CA10: variants seen among roughly 807,000 people sequenced by gnomAD.
The protein encoded by CA10 is carbonic anhydrase 10 (inactive), also known as carbonic anhydrase-related protein 10.
CA10 carries 14 observed loss-of-function variants against 44.2 expected under a neutral mutation model. The observed-to-expected ratio is 0.32, with a 90% CI of 0.21 to 0.50. The LOEUF (loss-of-function observed/expected upper bound fraction) is 0.50. CA10 is among the 20% of genes least tolerant of loss of function. The pLI is 0.99. For synonymous variants in CA10, 159 were observed against 141.6 expected, an observed-to-expected ratio of 1.12 and a Z score of -0.87; for missense variants, 350 against 409.7, an observed-to-expected ratio of 0.85 and a Z score of 1.26.
chr17:52,041,145 G>A (rs1986757829), intron 2 of CA10, among the ~76,000 whole-genome samples: 1 of 151,944 alleles, frequency 6.6e-6, no homozygotes. Context: ...CTGCATACTA[G>A]AAGAAAATCC....
In CA10 at chr17:51,635,895, C is replaced by A. The variant is rs756921633; in HGVS notation, c.749G>T (p.Trp250Leu). Reference sequence around the variant, plus strand: ...ATAGACAGGTTTGTTCATTATGATCCAACTTGCTGTCTCATAGCAGGGTGG... The same window carrying A: ...ATAGACAGGTTTGTTCATTATGATCAAACTTGCTGTCTCATAGCAGGGTGG... ...TIPPCYETAS[W>L]IIMNKPVYIT... is the part of the protein sequence containing the mutation. Residue 250 changes from tryptophan to leucine, a missense_variant, in exon 7 of 9, where the codon TGG becomes TTG. Transcript: ENST00000451037. 135 of 1,608,146 alleles carry A rather than the reference C, an allele frequency of 8.4e-5. No homozygotes were observed. Among genetic ancestry groups the A allele is most frequent in the Admixed American group, 1.0e-4 (6 of 59,674 alleles).
chr17:51,920,232 G>A (rs1255457470), intron 3 of CA10, among the ~76,000 whole-genome samples: 1 of 152,094 alleles, frequency 6.6e-6, no homozygotes, highest in Admixed American at 6.5e-5. Context: ...CCATGAAAGT[G>A]GAGAACCAAT....
At chr17:51,793,224 T>C (rs1489649763) in intron 3 of CA10, among the ~76,000 whole-genome samples, 1 of 152,252 alleles carries the variant, frequency 6.6e-6, no homozygotes, top group African/African-American at 2.4e-5. Context: ...GGGAGAATGC[T>C]GGGCTATGAA....
At chr17:51,944,466 C>T (rs1255071971) in intron 2 of CA10, among the ~76,000 whole-genome samples, 1 of 152,064 alleles carries the variant, frequency 6.6e-6, no homozygotes, top group African/African-American at 2.4e-5. Context: ...CATTTAAAAA[C>T]CAAAAATGAT....
chr17:52,057,499 G>A (rs1186725873), intron 2 of CA10, among the ~76,000 whole-genome samples: 9 of 151,844 alleles, frequency 5.9e-5, no homozygotes, highest in South Asian at 2.1e-4. Context: ...TATAAAATAC[G>A]TGTTGATGAA....
chr17:51,774,934 C>T (rs1012117235), intron 3 of CA10, among the ~76,000 whole-genome samples: 2 of 152,110 alleles, frequency 1.3e-5, no homozygotes, highest in African/African-American at 4.8e-5. Context: ...TTATAAGTAC[C>T]CCAATTCACC....
chr17:52,081,115 G>A (rs948676039), intron 1 of CA10, among the ~76,000 whole-genome samples: 1 of 152,090 alleles, frequency 6.6e-6, no homozygotes, highest in Non-Finnish European at 1.5e-5. Flanking sequence ...ACAGAGAAAA[G>A]GAAAGAACTG....
At chr17:51,782,473 C>A (rs988111754) in intron 3 of CA10, among the ~76,000 whole-genome samples, 1 of 152,194 alleles carries the variant, frequency 6.6e-6, no homozygotes, top group Non-Finnish European at 1.5e-5. Context: ...GCCCACTGGA[C>A]TAGAATCTTC....
At chr17:51,748,039 T>C (rs974035369) in intron 3 of CA10, among the ~76,000 whole-genome samples, 1 of 152,196 alleles carries the variant, frequency 6.6e-6, no homozygotes, top group Non-Finnish European at 1.5e-5. Context: ...GAATTTGAGG[T>C]AAGAACTTGA....
intron 2 of CA10, among the ~76,000 whole-genome samples, chr17:52,009,751 T>C (rs1234515450): frequency 6.6e-6 from 1 of 152,012 alleles, no homozygotes; most frequent in Non-Finnish European, 1.5e-5. Context: ...GATAAACAGA[T>C]GGGACTTAAT....
chr17:52,034,432 AAAG>A (rs1986557997), intron 2 of CA10, among the ~76,000 whole-genome samples: 1 of 152,234 alleles, frequency 6.6e-6, no homozygotes, highest in South Asian at 2.1e-4. Context: ...GTAGAAAAGT[AAAG>A]AAGAGAATCA....
At chr17:51,764,687 C>T (rs1468798574) in intron 3 of CA10, among the ~76,000 whole-genome samples, 3 of 152,178 alleles carry the variant, frequency 2.0e-5, no homozygotes, top group African/African-American at 7.2e-5. Context: ...GGGCCCAGTA[C>T]CATTCTGCAG....
At chr17:51,697,399 C>T (rs1323772218) in intron 4 of CA10, among the ~76,000 whole-genome samples, 1 of 152,220 alleles carries the variant, frequency 6.6e-6, no homozygotes, top group Non-Finnish European at 1.5e-5. Context: ...TTTGTACCAG[C>T]TCTTCCCTTT....
intron 4 of CA10, among the ~76,000 whole-genome samples, chr17:51,683,944 C>A (rs964655814): frequency 5.3e-5 from 8 of 152,196 alleles, no homozygotes; most frequent in Non-Finnish European, 1.2e-4. Context: ...TCCCACCCTG[C>A]GGCAGGCTGA....
chr17:52,120,615 T>A (rs989639426), intron 1 of CA10, among the ~76,000 whole-genome samples: 3 of 152,120 alleles, frequency 2.0e-5, no homozygotes, highest in Non-Finnish European at 4.4e-5. Flanking sequence ...CCACAAGTGT[T>A]TATGCCAGAT....
At chr17:52,029,567 G>A (rs1020415975) in intron 2 of CA10, among the ~76,000 whole-genome samples, 26 of 148,268 alleles carry the variant, frequency 1.8e-4, no homozygotes, top group Non-Finnish European at 3.4e-4. Context: ...CTCTCAAGGC[G>A]AAGGCGTTTG....
At chr17:51,982,138 CT>C (rs898694240) in intron 2 of CA10, among the ~76,000 whole-genome samples, 3 of 151,954 alleles carry the variant, frequency 2.0e-5, no homozygotes, top group African/African-American at 4.8e-5. Flanking sequence ...ACATTTAGAA[CT>C]ATAGGGGCCA....
chr17:51,940,682 A>AC (rs900150644), intron 2 of CA10, among the ~76,000 whole-genome samples: 32 of 150,500 alleles, frequency 2.1e-4, no homozygotes, highest in African/African-American at 7.5e-4. Context: ...AGATAAACAA[A>AC]AAAAAAAAAA....
At chr17:51,647,814 C>T (rs1790330748) in intron 6 of CA10, among the ~76,000 whole-genome samples, 1 of 152,164 alleles carries the variant, frequency 6.6e-6, no homozygotes, top group African/African-American at 2.4e-5. Context: ...CTTAGCTGAG[C>T]AATCTAAGTG....
Sources: allele counts gnomAD v4.1 joint callset (sites outside exome capture counted in the v4.1 genomes callset), GRCh38; gene constraint gnomAD v4.1.1; transcripts MANE v1.5; gene names NCBI Gene and HGNC (gene_info 2026-07-23, HGNC 2026-07-21).